HAUS7: variants seen among roughly 807,000 people sequenced by gnomAD.
HAUS7 encodes HAUS augmin like complex subunit 7, also known as HAUS augmin-like complex subunit 7.
A neutral mutation model predicts 28.4 loss-of-function variants in HAUS7; 3 were observed. That is an observed-to-expected ratio of 0.11 (90% CI 0.05 to 0.27). The LOEUF (loss-of-function observed/expected upper bound fraction) is 0.27. Among genes scored for constraint, HAUS7 ranks in the 10% least tolerant of loss-of-function variants. HAUS7 has a pLI of 1.00. For missense variants in HAUS7, 284 were observed against 297.3 expected (o/e 0.96, Z 0.33); for synonymous variants, 165 against 132.1 (o/e 1.25, Z -1.71).
Position 153,457,507 on chromosome X carries a change from C to T in HAUS7, c.355-279G>A, listed in dbSNP as rs782536105. 8.9e-4 allele frequency among the ~76,000 whole-genome samples: 101 copies of T among 113,366 alleles called. 1 individual carries two copies. Among genetic ancestry groups the T allele is most frequent in the Admixed American group, 3.1e-3 (34 of 10,859 alleles). On this transcript the variant is annotated intron_variant, in intron 4 of 9. Transcript: ENST00000370211. ...GGAGCATATGTGTCTGTCGTGCAGC[C>T]GACAGCATGGCTTGCTGGGTGGGCA...
chrX:153,487,391 A>G (rs148556537), intron 1 of HAUS7, among the ~76,000 whole-genome samples: 2,370 of 112,079 alleles, frequency 0.021, 50 homozygotes, highest in African/African-American at 0.072. Context: ...AGAGCCACCC[A>G]CACCTGCACT....
chrX:153,448,551 T>C (rs1294038694), intron 9 of HAUS7, among the ~76,000 whole-genome samples: 1 of 109,879 alleles, frequency 9.1e-6, no homozygotes, highest in Non-Finnish European at 1.9e-5. Context: ...AATAAAAATA[T>C]ATATATATAA....
intron 2 of HAUS7, among the ~76,000 whole-genome samples, chrX:153,465,605 G>A (rs184409001): frequency 5.3e-5 from 6 of 112,804 alleles, no homozygotes; most frequent in African/African-American, 1.6e-4. Context: ...CCTTGGGCAC[G>A]GTGAAGGCTT....
At chrX:153,461,885 G>C (rs1475477487) in intron 4 of HAUS7, 6 of 338,709 alleles carry the variant, frequency 1.8e-5, no homozygotes, top group Non-Finnish European at 3.1e-5. Flanking sequence ...TCCACTCCCA[G>C]CTATACACCC....
chrX:153,463,403 C>T (rs1340259331), intron 3 of HAUS7, among the ~76,000 whole-genome samples: 5 of 111,881 alleles, frequency 4.5e-5, no homozygotes, highest in Admixed American at 9.4e-5. Context: ...TCAAGTCCTC[C>T]CTGACCCCTC....
At chrX:153,493,869 C>G (rs2089687901) in intron 1 of HAUS7, among the ~76,000 whole-genome samples, 1 of 112,143 alleles carries the variant, frequency 8.9e-6, no homozygotes, top group Non-Finnish European at 1.9e-5. Context: ...TCGACGTTGT[C>G]CTCTCTCCAT....
intron 1 of HAUS7, among the ~76,000 whole-genome samples, chrX:153,490,553 C>T (rs903360435): frequency 5.3e-5 from 6 of 112,768 alleles, no homozygotes; most frequent in African/African-American, 1.9e-4. Context: ...AGCTTCATGC[C>T]GCTTCGAGGC....
intron 1 of HAUS7, chrX:153,482,288 C>A (rs2089605593): frequency 2.7e-6 from 2 of 754,440 alleles, no homozygotes; most frequent in African/African-American, 4.6e-5. Flanking sequence ...GACCAGCAGG[C>A]CCCCAACCCC....
chrX:153,466,870 G>C (rs781921447), intron 2 of HAUS7, among the ~76,000 whole-genome samples: 40 of 112,318 alleles, frequency 3.6e-4, no homozygotes, highest in African/African-American at 1.2e-3. Context: ...TTGAGATTTC[G>C]GATTTTCAGA....
intron 2 of HAUS7, among the ~76,000 whole-genome samples, chrX:153,468,900 G>T (rs2089486228): frequency 8.8e-6 from 1 of 113,185 alleles, no homozygotes; most frequent in Non-Finnish European, 1.9e-5. Flanking sequence ...GGCAAGTTCA[G>T]CACTGCAGCA....
Position 153,447,817 on chromosome X carries a change from G to C in HAUS7, c.*61C>G. ...ATCCATCCTCGGCCAACTCGATCTTGGGAGAGGGCTTCCTGCCCGCCCCAT... is the reference window on the plus strand; with the variant it reads ...ATCCATCCTCGGCCAACTCGATCTTCGGAGAGGGCTTCCTGCCCGCCCCAT... On this transcript the variant is annotated 3_prime_UTR_variant, in exon 10 of 10. Transcript: ENST00000370211. 1 of 963,751 alleles carries C rather than the reference G, an allele frequency of 1.0e-6. No individual in the cohort carries two copies. Among genetic ancestry groups the C allele is most frequent in the Non-Finnish European group, 1.5e-6 (1 of 668,184 alleles). 79.4% of individuals were successfully genotyped at this position (963,751 alleles called of 1,213,427 possible).
At chrX:153,495,447 G>T (rs1377384194) in exon 1 of HAUS7, 1 of 112,262 alleles carries the variant, frequency 8.9e-6, no homozygotes, top group Non-Finnish European at 1.9e-5. Context: ...CCACCCTAGA[G>T]CGTGGCTGGG....
At chrX:153,468,142 C>T (rs919354140) in intron 2 of HAUS7, among the ~76,000 whole-genome samples, 4 of 112,438 alleles carry the variant, frequency 3.6e-5, no homozygotes, top group Non-Finnish European at 7.5e-5. Context: ...ACAAAAACGC[C>T]TCCTCCTTCC....
intron 9 of HAUS7, 87 bp from the exon 10 acceptor site, chrX:153,447,996 G>T: frequency 1.4e-6 from 1 of 731,870 alleles, no homozygotes; most frequent in Non-Finnish European, 2.1e-6. Flanking sequence ...GATTCCTCAG[G>T]GATCTAGAAC....
chrX:153,490,283 A>G lies in HAUS7; in HGVS notation c.-589+5091T>C, dbSNP rs782387370. On this transcript the variant is annotated intron_variant, in intron 1 of 5. Coordinates refer to the HAUS7 transcript ENST00000370210. Reference sequence around the variant, plus strand: ...CCAGGCCTCCCCGGAGCCCCCACGCAGGCCCTGAAATTACAGCCCTGGTGG... The same window carrying G: ...CCAGGCCTCCCCGGAGCCCCCACGCGGGCCCTGAAATTACAGCCCTGGTGG... Among the ~76,000 whole-genome samples the G allele has an allele frequency of 4.8e-4, 54 of 113,126 alleles. 1 individual carries two copies. In the South Asian group the frequency reaches 0.018, roughly 39 times the overall value.
chrX:153,479,002 C>T (rs1052646581), intron 1 of HAUS7, among the ~76,000 whole-genome samples: 5 of 111,625 alleles, frequency 4.5e-5, no homozygotes, highest in Middle Eastern at 4.6e-3. Flanking sequence ...CAGGACCGTC[C>T]GGTCTGAGGA....
intron 9 of HAUS7, among the ~76,000 whole-genome samples, chrX:153,451,327 G>A (rs781826338): frequency 8.9e-6 from 1 of 112,769 alleles, no homozygotes; most frequent in East Asian, 2.8e-4. Flanking sequence ...TAAGAATGAT[G>A]GCATAGATTA....
intron 5 of HAUS7, 34 bp downstream of exon 5, chrX:153,457,103 C>T (rs782768853): frequency 3.2e-6 from 3 of 930,095 alleles, no homozygotes; most frequent in South Asian, 1.9e-5. Flanking sequence ...AGAAGCCCGT[C>T]AATACTGCCC....
At chrX:153,463,976 G>A (rs1228586101) in intron 3 of HAUS7, among the ~76,000 whole-genome samples, 1 of 112,690 alleles carries the variant, frequency 8.9e-6, no homozygotes, top group African/African-American at 3.2e-5. Flanking sequence ...AGCGCCACGA[G>A]GGCAGTGGAA....
Sources: allele counts gnomAD v4.1 joint callset (sites outside exome capture counted in the v4.1 genomes callset), GRCh38; gene constraint gnomAD v4.1.1; transcripts MANE v1.5; gene names NCBI Gene and HGNC (gene_info 2026-07-23, HGNC 2026-07-21).